SEC14L6: variants seen among roughly 807,000 people sequenced by gnomAD.
SEC14L6 encodes SEC14 like lipid binding 6, also known as SEC14-like protein 6.
Under a neutral mutation model 54.1 loss-of-function variants are expected in SEC14L6, and 40 were observed. That is an observed-to-expected ratio of 0.74 (90% CI 0.57 to 0.96). The LOEUF is 0.96. Among genes scored for constraint, SEC14L6 ranks in the 40% least tolerant of loss-of-function variants. The probability of loss-of-function intolerance (pLI) is 0.00; values close to 1 mark genes in which losing one functional copy is unlikely to be tolerated. For missense variants in SEC14L6, 471 were observed against 498.3 expected (o/e 0.95, Z 0.52); for synonymous variants, 171 against 198.4 (o/e 0.86, Z 1.16).
In SEC14L6 at chr22:30,532,666, C is replaced by G; in HGVS notation, c.282G>C (p.Glu94Asp). The change falls in exon 5 of 12, where the codon GAG becomes GAC. Residue 94 changes from glutamate to aspartate, a missense_variant. Glu to Asp is a conservative substitution (Grantham distance 45, BLOSUM62 2). Transcript: ENST00000402034. ...CAATGTGGTACCAGACAGGGCTGCC[C>G]TCACCGTCGTGGCCGCATATGCCGT... ...NANGICGHDGEGSPVWYHIVG... is the reference protein window; with the variant it reads ...NANGICGHDGDGSPVWYHIVG... 2 of 1,551,494 alleles carry G rather than the reference C, an allele frequency of 1.3e-6. No individual in the cohort carries two copies. Among genetic ancestry groups the G allele is most frequent in the South Asian group, 2.4e-5 (2 of 84,210 alleles).
rs1162615333 is a variant in SEC14L6, at chr22:30,525,538, C to G, written c.912-19G>C. ...CTGCCACCTGCAGTGGATAGAGCCC[C>G]ATTGGCGACCCCCTGCCTGGGCTCC... On this transcript the variant is annotated intron_variant, in intron 10 of 11. Transcript: ENST00000402034. The G allele has an allele frequency of 1.2e-6, 2 of 1,611,816 alleles. No homozygotes were observed. Among genetic ancestry groups the G allele is most frequent in the African/African-American group, 1.3e-5 (1 of 74,880 alleles).
chr22:30,546,359 G>A (rs1452611194), intron 1 of SEC14L6, among the ~76,000 whole-genome samples: 1 of 146,084 alleles, frequency 6.8e-6, no homozygotes, highest in Non-Finnish European at 1.5e-5. Context: ...CTCCAACCTG[G>A]GCAACAAGAG....
intron 8 of SEC14L6, among the ~76,000 whole-genome samples, chr22:30,528,123 T>C (rs965414498): frequency 3.4e-5 from 5 of 146,512 alleles, no homozygotes; most frequent in African/African-American, 7.5e-5. Flanking sequence ...AGATTTCTTT[T>C]TTTTTTTTTT....
chr22:30,545,218 C>T (rs2146308123), intron 1 of SEC14L6, among the ~76,000 whole-genome samples: 1 of 152,322 alleles, frequency 6.6e-6, no homozygotes, highest in South Asian at 2.1e-4. Flanking sequence ...CCTGCCTCCT[C>T]CAGCTCATAG....
chr22:30,540,744 T>C (rs374650055), intron 1 of SEC14L6, among the ~76,000 whole-genome samples: 48 of 144,226 alleles, frequency 3.3e-4, no homozygotes, highest in African/African-American at 1.2e-3. Flanking sequence ...ATTGGCTGGG[T>C]GCAGTGGCTC....
chr22:30,542,612 T>G, intron 1 of SEC14L6: 1 of 1,526,476 alleles, frequency 6.6e-7, no homozygotes, highest in Non-Finnish European at 8.8e-7. Context: ...CTCGGGCCGC[T>G]GCTCTGCCTG....
intron 1 of SEC14L6, 118 bp from the exon 2 acceptor site, chr22:30,539,020 A>G (rs2085650331): frequency 1.5e-6 from 1 of 684,130 alleles, no homozygotes; most frequent in Non-Finnish European, 2.5e-6. Flanking sequence ...GGCTGGGAGG[A>G]TCAGGGTCCG....
rs967191438 is a variant in SEC14L6, at chr22:30,526,190, C to T, written c.665-258G>A. Among the ~76,000 whole-genome samples, 4 of 152,344 alleles carry T rather than the reference C, an allele frequency of 2.6e-5. No homozygotes were observed. In the South Asian group the frequency reaches 6.2e-4, roughly 24 times the overall value. ...TCTCTTACTGCCCCTGCAGGCCCTGCCCCCACATCTGTCCAGGTATTGGCC... is the reference window on the plus strand; with the variant it reads ...TCTCTTACTGCCCCTGCAGGCCCTGTCCCCACATCTGTCCAGGTATTGGCC... On this transcript the variant is annotated intron_variant, in intron 8 of 11. Transcript: ENST00000402034.
intron 8 of SEC14L6, among the ~76,000 whole-genome samples, chr22:30,526,453 G>A (rs1346734875): frequency 3.3e-5 from 5 of 152,250 alleles, no homozygotes; most frequent in Non-Finnish European, 7.3e-5. Flanking sequence ...CACGGGCATT[G>A]CAGGAACAAA....
intron 8 of SEC14L6, among the ~76,000 whole-genome samples, chr22:30,528,420 C>CTTTTTTTTTT (rs1491181747): frequency 3.7e-5 from 4 of 107,068 alleles, no homozygotes; most frequent in Non-Finnish European, 5.5e-5. Flanking sequence ...CGCGCTCGGC[C>CTTTTTTTTTT]TCTTTTTTTT....
intron 2 of SEC14L6, among the ~76,000 whole-genome samples, chr22:30,537,041 A>AAAG: frequency 6.6e-6 from 1 of 150,722 alleles, no homozygotes; most frequent in Non-Finnish European, 1.5e-5. Context: ...AAAAAAAAAA[A>AAAG]GGAAATAATA....
At chr22:30,538,021 G>A (rs2085629328) in intron 2 of SEC14L6, among the ~76,000 whole-genome samples, 1 of 152,160 alleles carries the variant, frequency 6.6e-6, no homozygotes, top group Admixed American at 6.5e-5. Flanking sequence ...GGGCTGAGCT[G>A]TGTACCTGAT....
At chr22:30,543,021 C>T in intron 1 of SEC14L6, 2 of 1,601,286 alleles carry the variant, frequency 1.2e-6, no homozygotes, top group Admixed American at 1.7e-5. Flanking sequence ...CCTCTGCCCC[C>T]GTGGTATCGG....
At chr22:30,544,102 C>G (rs1262046575) in intron 1 of SEC14L6, 1 of 1,421,294 alleles carries the variant, frequency 7.0e-7, no homozygotes, top group African/African-American at 1.4e-5. Context: ...GTGGTTTGCT[C>G]TAGCACCCAT....
chr22:30,527,576 A>C (rs2146244759), intron 8 of SEC14L6, among the ~76,000 whole-genome samples: 1 of 151,936 alleles, frequency 6.6e-6, no homozygotes, highest in East Asian at 1.9e-4. Context: ...ACATGTAACC[A>C]GGTGTGGTCA....
chr22:30,542,758 G>C, intron 1 of SEC14L6: 2 of 1,586,616 alleles, frequency 1.3e-6, no homozygotes, highest in South Asian at 2.2e-5. Flanking sequence ...CCTGAACCCT[G>C]TGGGGCCCAT....
chr22:30,540,411 A>G (rs1450532417), intron 1 of SEC14L6, among the ~76,000 whole-genome samples: 5 of 119,758 alleles, frequency 4.2e-5, no homozygotes, highest in Admixed American at 1.1e-4. Context: ...TTTTGAACTC[A>G]TGGGCATTAA....
intron 1 of SEC14L6, among the ~76,000 whole-genome samples, chr22:30,540,882 G>A (rs1396590381): frequency 1.3e-5 from 2 of 151,924 alleles, no homozygotes; most frequent in Non-Finnish European, 2.9e-5. Context: ...AGCTGGGCGT[G>A]GTGGCAGGCG....
rs749139287 is a variant in SEC14L6 at position 30,532,831 on chromosome 22, T to C, written c.200A>G (p.Asp67Gly). Residue 67 changes from aspartate (D) to glycine (G), a missense_variant, in exon 4 of 12, where the codon GAC (aspartate) becomes GGC (glycine). Transcript: ENST00000402034. ...RKHMEFRKQQ[D>G]LANILAWQPP... ...CTGCCAGGCAAGGATGTTGGCCAGG[T>C]CTTGTTGCTTCCGGAACTCCATATG... The C allele has an allele frequency of 6.2e-7, 1 of 1,613,666 alleles. No homozygotes were observed. Among genetic ancestry groups the C allele is most frequent in the South Asian group, 1.1e-5 (1 of 91,044 alleles).
Sources: allele counts gnomAD v4.1 joint callset (sites outside exome capture counted in the v4.1 genomes callset), GRCh38; gene constraint gnomAD v4.1.1; transcripts MANE v1.5; gene names NCBI Gene and HGNC (gene_info 2026-07-23, HGNC 2026-07-21).